Variants in FOXJ2 observed in about 807,000 individuals in gnomAD.
FOXJ2 encodes the protein forkhead box protein J2.
A neutral mutation model predicts 68.4 loss-of-function variants in FOXJ2; 18 were observed. The ratio of observed to expected loss-of-function variants is 0.26; its 90% CI spans 0.18 to 0.39. The LOEUF is 0.39. FOXJ2 is among the 10% of genes least tolerant of loss of function. The pLI is 1.00. For synonymous variants in FOXJ2, 274 were observed against 263.2 expected, an observed-to-expected ratio of 1.04 and a Z score of -0.40; for missense variants, 670 against 726.5, an observed-to-expected ratio of 0.92 and a Z score of 0.89.
chr12:8,038,052 G>A lies in FOXJ2; in HGVS notation c.-14-1767G>A, dbSNP rs1198662190. ...CCCCTCGCTCCGCCCCTTTTCTCCT[G>A]TCAAACAATTCTTGGGTTAGAGTTG... On this transcript the variant is annotated intron_variant, in intron 1 of 10. Transcript: ENST00000162391. This position sits in a 1 kb window ranked among gnomAD's most constrained non-coding sequence, Gnocchi z 5.3. Among the ~76,000 whole-genome samples the A allele has an allele frequency of 6.6e-6, 1 of 152,178 alleles. No individual in the cohort carries two copies. Among genetic ancestry groups the A allele is most frequent in the Non-Finnish European group, 1.5e-5 (1 of 68,028 alleles).
rs1361217580 is a variant in FOXJ2, at chr12:8,044,915, C to T, written c.774C>T (p.Leu258=). The T allele has an allele frequency of 5.6e-6, 9 of 1,614,112 alleles. No homozygotes were observed. Among genetic ancestry groups the T allele is most frequent in the Non-Finnish European group, 7.6e-6 (9 of 1,180,036 alleles). The change falls in exon 6 of 11, where the codon CTC becomes CTT. Residue 258 remains leucine (L), a synonymous_variant. Transcript: ENST00000162391. ...ATCTAAGCTGGTCCTTCCGCAACCTCTATAAGTCCATGCTGGAGAAGTCCT... is the reference window on the plus strand; with the variant it reads ...ATCTAAGCTGGTCCTTCCGCAACCTTTATAAGTCCATGCTGGAGAAGTCCT... The part of the protein sequence containing the change: ...FQDLSWSFRN[L]YKSMLEKSSS...
rs139092457 is a variant in FOXJ2, at chr12:8,035,452, A to G, written c.-15+1619A>G. 4.8e-4 allele frequency among the ~76,000 whole-genome samples: 73 copies of G among 152,278 alleles called. No individual in the cohort carries two copies. Among genetic ancestry groups the G allele is most frequent in the Admixed American group, 1.2e-3 (18 of 15,304 alleles). On this transcript the variant is annotated intron_variant, in intron 1 of 10. Coordinates refer to ENST00000162391, the MANE Select transcript of FOXJ2 (RefSeq NM_018416.3). The surrounding 1 kb of genome is among the most constrained non-coding windows in gnomAD (Gnocchi z 4.0). ...GCTGGGATCATTTCTTCTAGGACTA[A>G]TAAGAGAGCTTCATTGCTGATACCT...
In FOXJ2 at chr12:8,048,760, G is replaced by T. The variant is rs1490000783; in HGVS notation, c.1289G>T (p.Arg430Leu). Residue 430 changes from arginine (R) to leucine (L), a missense_variant, in exon 8 of 11, where the codon CGG becomes CTG. Around this residue, in one of 2 missense-constraint regions of FOXJ2, gnomAD observed 555 missense variants for 562.2 expected, o/e 0.99. Transcript: ENST00000162391. ...SLKESFKMVN[R>L]LNWSSIEQSQ... is the part of the protein sequence containing the mutation. Reference sequence around the variant, plus strand: ...AAGGAAAGCTTCAAGATGGTGAATCGGCTCAATTGGTCCAGCATTGAGCAG... The same window carrying T: ...AAGGAAAGCTTCAAGATGGTGAATCTGCTCAATTGGTCCAGCATTGAGCAG... 6.2e-7 allele frequency: 1 copy of T among 1,613,914 alleles called. No individual in the cohort carries two copies. The highest frequency in any genetic ancestry group is 1.7e-5 in the Admixed American group (1 of 59,998).
At chr12:8,044,354 C>T (rs1383673256) in intron 5 of FOXJ2, among the ~76,000 whole-genome samples, 1 of 152,148 alleles carries the variant, frequency 6.6e-6, no homozygotes, top group Non-Finnish European at 1.5e-5. Flanking sequence ...GCAGGCGGAT[C>T]ACGTGAGTCC....
rs532653917 is a variant in FOXJ2, at chr12:8,049,994, G to A, written c.1537+423G>A. Reference sequence around the variant, plus strand: ...TTCTTGCTTTTTGTTTTTGAGATGGGGTCTCGCTCTGTCGCCCAGGCTCTG... The same window carrying A: ...TTCTTGCTTTTTGTTTTTGAGATGGAGTCTCGCTCTGTCGCCCAGGCTCTG... On this transcript the variant is annotated intron_variant, in intron 9 of 10. Coordinates refer to ENST00000162391, the MANE Select transcript of FOXJ2 (RefSeq NM_018416.3). The A allele has an allele frequency of 9.2e-5, 19 of 205,872 alleles. No individual in the cohort carries two copies. The South Asian group carries it at 1.6e-3, about 17-fold the overall frequency. 12.8% of individuals were successfully genotyped at this position (205,872 alleles called of 1,614,324 possible). A position where few individuals can be genotyped will look rare whatever the true frequency, so the allele number is the denominator to read the frequency against.
At chr12:8,049,921 G>A (rs1025395309) in intron 9 of FOXJ2, 5 of 351,166 alleles carry the variant, frequency 1.4e-5, no homozygotes, top group African/African-American at 1.0e-4. Flanking sequence ...ATGCTTATGT[G>A]ATGTTCAAAC....
chr12:8,040,092 T>C lies in FOXJ2; in HGVS notation c.260T>C (p.Met87Thr). The C allele has an allele frequency of 1.2e-6, 2 of 1,614,196 alleles. No homozygotes were observed. Among genetic ancestry groups the C allele is most frequent in the Non-Finnish European group, 1.7e-6 (2 of 1,180,046 alleles). The change falls in exon 2 of 11, where the codon ATG becomes ACG. Residue 87 changes from methionine to threonine, a missense_variant. Around this residue, in one of 2 missense-constraint regions of FOXJ2, gnomAD observed 115 missense variants for 164.3 expected, o/e 0.70. Transcript: ENST00000162391. This position sits in a 1 kb window ranked among gnomAD's most constrained non-coding sequence, Gnocchi z 4.0. ...YAINSSPAKK[M>T]TLSEIYRWIC... ...ATCAACTCCTCTCCAGCCAAGAAGA[T>C]GACCCTCAGCGAGATTTACCGCTGG...
At position 8,053,772 on chromosome 12, in the gene FOXJ2, C is replaced by T. The variant is rs1352579660; in HGVS notation, c.*922C>T. On this transcript the variant is annotated 3_prime_UTR_variant, in exon 11 of 11. Transcript: ENST00000162391. This position sits in a 1 kb window ranked among gnomAD's most constrained non-coding sequence, Gnocchi z 4.1. ...AATTTTCTCTGAAAATTAATTGTGG[C>T]TCTTATTTGCATTTACGAATGATCT... 1 of 152,192 alleles carries T rather than the reference C, an allele frequency of 6.6e-6. No individual in the cohort carries two copies. Among genetic ancestry groups the T allele is most frequent in the Non-Finnish European group, 1.5e-5 (1 of 68,032 alleles). 9.4% of individuals were successfully genotyped at this position (152,192 alleles called of 1,614,324 possible).
Position 8,052,886 on chromosome 12 carries a change from G to A in FOXJ2, c.*36G>A, listed in dbSNP as rs767376889. ...AGTGTGGACATCAGCCCAGGGCCGC[G>A]TGGTGAAATCTGGCAGTGGGGAAAG... On this transcript the variant is annotated 3_prime_UTR_variant, in exon 11 of 11. Transcript: ENST00000162391. 4 of 1,558,394 alleles carry A rather than the reference G, an allele frequency of 2.6e-6. No homozygotes were observed. Among genetic ancestry groups the A allele is most frequent in the Non-Finnish European group, 2.6e-6 (3 of 1,141,358 alleles).
Position 8,040,577 on chromosome 12 carries a change from G to A in FOXJ2, c.333+412G>A, listed in dbSNP as rs146805531. 1.1e-3 allele frequency among the ~76,000 whole-genome samples: 166 copies of A among 151,896 alleles called. 2 individuals are homozygous for A. The highest frequency in any genetic ancestry group is 2.3e-3 in the South Asian group (11 of 4,808). ...GTTGGGATTACAGGTGCCCGCCACCGTGCCCGGCTGATTTTTTGTATTTTT... is the reference window on the plus strand; with the variant it reads ...GTTGGGATTACAGGTGCCCGCCACCATGCCCGGCTGATTTTTTGTATTTTT... On this transcript the variant is annotated intron_variant, in intron 2 of 10. Transcript: ENST00000162391. The surrounding 1 kb of genome is among the most constrained non-coding windows in gnomAD (Gnocchi z 4.0).
rs1947148074 is a variant in FOXJ2 at position 8,053,160 on chromosome 12, G to A, written c.*310G>A. ...ACATCATGGATCATGTCCACCTTTT[G>A]CTAATTTAAAATCATCAGGCTGGAA... On this transcript the variant is annotated 3_prime_UTR_variant, in exon 11 of 11. Coordinates refer to ENST00000162391, the MANE Select transcript of FOXJ2 (RefSeq NM_018416.3). The surrounding 1 kb of genome is among the most constrained non-coding windows in gnomAD (Gnocchi z 4.1). The A allele has an allele frequency of 6.5e-6, 1 of 153,322 alleles. No homozygotes were observed. Among genetic ancestry groups the A allele is most frequent in the African/African-American group, 2.4e-5 (1 of 41,330 alleles). 9.5% of individuals were successfully genotyped at this position (153,322 alleles called of 1,614,324 possible).
chr12:8,041,172 A>G (rs1332000282), intron 2 of FOXJ2, among the ~76,000 whole-genome samples: 2 of 151,942 alleles, frequency 1.3e-5, no homozygotes, highest in African/African-American at 2.4e-5. Context: ...GTTGGAGACT[A>G]TTGAAAGCAC....
intron 10 of FOXJ2, among the ~76,000 whole-genome samples, chr12:8,052,261 C>T (rs11057053): frequency 0.28 from 42,200 of 148,254 alleles, 6,944 homozygotes; most frequent in Middle Eastern, 0.43. Context: ...CTCGCTCTAT[C>T]GCCCAGGCTG....
At position 8,048,705 on chromosome 12, in the gene FOXJ2, T is replaced by C. The variant is rs1296577304; in HGVS notation, c.1234T>C (p.Ser412Pro). Reference protein sequence around the residue: ...PINNTGFAFPSDWCSNIDSLK... With the variant: ...PINNTGFAFPPDWCSNIDSLK... ...TCCCCTCCTCTTTACAGCCTTTCCT[T>C]CTGACTGGTGCTCTAATATTGACTC... The change falls in exon 8 of 11, where the codon TCT becomes CCT. Residue 412 changes from serine to proline, a missense_variant. Around this residue, in one of 2 missense-constraint regions of FOXJ2, gnomAD observed 555 missense variants for 562.2 expected, o/e 0.99. Transcript: ENST00000162391. 2.5e-6 allele frequency: 4 copies of C among 1,614,110 alleles called. No individual in the cohort carries two copies. The Admixed American group carries it at 6.7e-5, about 27-fold the overall frequency.
rs1396307651 is a variant in FOXJ2, at chr12:8,055,347, T to C, written c.*2497T>C. ...AGATCCACCCATCCCAACCTTTCTCTCCTCAGTCCCTGCTCCTCATGTTTC... is the reference window on the plus strand; with the variant it reads ...AGATCCACCCATCCCAACCTTTCTCCCCTCAGTCCCTGCTCCTCATGTTTC... On this transcript the variant is annotated 3_prime_UTR_variant, in exon 11 of 11. Coordinates refer to ENST00000162391, the MANE Select transcript of FOXJ2 (RefSeq NM_018416.3). The C allele has an allele frequency of 6.6e-6, 1 of 152,624 alleles. No individual in the cohort carries two copies. Among genetic ancestry groups the C allele is most frequent in the East Asian group, 1.9e-4 (1 of 5,194 alleles). 9.5% of individuals were successfully genotyped at this position (152,624 alleles called of 1,614,324 possible). A position where few individuals can be genotyped will look rare whatever the true frequency, so the allele number is the denominator to read the frequency against.
In FOXJ2 at chr12:8,044,909, C is replaced by T; in HGVS notation, c.768C>T (p.Arg256=). Residue 256 remains arginine, a synonymous_variant, in exon 6 of 11, where the codon CGC becomes CGT. Coordinates refer to ENST00000162391, the MANE Select transcript of FOXJ2 (RefSeq NM_018416.3). The part of the protein sequence containing the change: ...INFQDLSWSF[R]NLYKSMLEKS... Reference sequence around the variant, plus strand: ...TTCAGGATCTAAGCTGGTCCTTCCGCAACCTCTATAAGTCCATGCTGGAGA... The same window carrying T: ...TTCAGGATCTAAGCTGGTCCTTCCGTAACCTCTATAAGTCCATGCTGGAGA... The T allele has an allele frequency of 6.2e-7, 1 of 1,614,230 alleles. No homozygotes were observed. The highest frequency in any genetic ancestry group is 1.7e-5 in the Admixed American group (1 of 60,030).
chr12:8,037,013 T>C (rs1314659474), intron 1 of FOXJ2, among the ~76,000 whole-genome samples: 1 of 152,134 alleles, frequency 6.6e-6, no homozygotes, highest in African/African-American at 2.4e-5. Flanking sequence ...CGCTTGAACC[T>C]AGGAGATGGA....
intron 1 of FOXJ2, among the ~76,000 whole-genome samples, chr12:8,037,368 G>A (rs1946911542): frequency 6.6e-6 from 1 of 152,112 alleles, no homozygotes. Context: ...GCTGTATCTG[G>A]AGGGCTGACT....
rs1352257980 is a variant in FOXJ2 at position 8,032,718 on chromosome 12, A to G, written c.-1130A>G. ...AGGCCGGGGAGGAGCCGGGGCCTGC[A>G]GCGGAGCCGAGCCGAGCCCGAGCCC... is the stretch of plus-strand genomic sequence containing the variant. On this transcript the variant is annotated 5_prime_UTR_variant, in exon 1 of 11. Coordinates refer to ENST00000162391, the MANE Select transcript of FOXJ2 (RefSeq NM_018416.3). This position sits in a 1 kb window ranked among gnomAD's most constrained non-coding sequence, Gnocchi z 4.8. 5 of 389,730 alleles carry G rather than the reference A, an allele frequency of 1.3e-5. No homozygotes were observed. The highest frequency in any genetic ancestry group is 2.1e-5 in the African/African-American group (1 of 47,988). The allele number at this position is 389,730 out of a possible 1,614,324, so 24.1% of individuals were successfully genotyped here. A position where few individuals can be genotyped will look rare whatever the true frequency, so the allele number is the denominator to read the frequency against.
Sources: gnomAD v4.1 joint callset for allele counts (sites outside exome capture counted in the v4.1 genomes callset) on GRCh38, gnomAD v4.1.1 for gene constraint, gnomAD v4.1.1 regional missense constraint, Gnocchi (gnomAD v3.1) non-coding constraint, MANE v1.5 for transcripts, NCBI Gene and HGNC (gene_info 2026-07-23, HGNC 2026-07-21) for gene names.